The following JPH2 variants were observed in gnomAD, a reference collection of about 807,000 sequenced individuals.
JPH2 encodes junctophilin-2.
JPH2 carries 38 observed loss-of-function variants against 55.9 expected under a neutral mutation model. The ratio of observed to expected loss-of-function variants is 0.68; its 90% CI spans 0.52 to 0.89. The LOEUF (loss-of-function observed/expected upper bound fraction) is 0.89, where lower values mean the gene tolerates loss of function less well. Among genes scored for constraint, JPH2 ranks in the 40% least tolerant of loss-of-function variants. JPH2 has a pLI of 0.00. For synonymous variants in JPH2, 480 were observed against 472.4 expected, an observed-to-expected ratio of 1.02 and a Z score of -0.21; for missense variants, 964 against 1,037.6, an observed-to-expected ratio of 0.93 and a Z score of 0.97.
intron 1 of JPH2, among the ~76,000 whole-genome samples, chr20:44,166,870 A>C (rs1304953593): frequency 6.6e-6 from 1 of 152,028 alleles, no homozygotes; most frequent in East Asian, 1.9e-4. Context: ...AGCTTTGTAA[A>C]CCCTGCAGGG....
intron 2 of JPH2, among the ~76,000 whole-genome samples, chr20:44,119,189 C>A: frequency 6.6e-6 from 1 of 152,114 alleles, no homozygotes; most frequent in East Asian, 1.9e-4. Flanking sequence ...TCTTTATAAT[C>A]ACATTAAACA....
chr20:44,160,928 TAGTC>T lies in JPH2; in HGVS notation c.380-525_380-522del, dbSNP rs1207749568. On this transcript the variant is annotated intron_variant, in intron 1 of 5. Coordinates refer to ENST00000372980, the MANE Select transcript of JPH2 (RefSeq NM_020433.5). This position sits in a 1 kb window ranked among gnomAD's most constrained non-coding sequence, Gnocchi z 4.9. ...GTGAAACCTCTCTCTACAAAAAAAT[TAGTC>T]AGGCGTGGTGGCATGCACCTGTGGT... is the stretch of plus-strand genomic sequence containing the variant. Among the ~76,000 whole-genome samples the T allele has an allele frequency of 6.6e-6, 1 of 151,954 alleles. No individual in the cohort carries two copies. Among genetic ancestry groups the T allele is most frequent in the African/African-American group, 2.4e-5 (1 of 41,372 alleles).
At chr20:44,118,148 G>A (rs62205903) in intron 3 of JPH2, among the ~76,000 whole-genome samples, 37,074 of 152,062 alleles carry the variant, frequency 0.24, 4,941 homozygotes, top group Non-Finnish European at 0.28. Flanking sequence ...CATGGACAGT[G>A]CTCAATGCTT....
chr20:44,171,321 G>T (rs1221614923), intron 1 of JPH2, among the ~76,000 whole-genome samples: 2 of 152,178 alleles, frequency 1.3e-5, no homozygotes, highest in African/African-American at 4.8e-5. Context: ...CAAAATCAAA[G>T]CAAGGGGGCC....
intron 2 of JPH2, among the ~76,000 whole-genome samples, chr20:44,145,930 C>T (rs1250229904): frequency 6.6e-6 from 1 of 152,108 alleles, no homozygotes; most frequent in African/African-American, 2.4e-5. Flanking sequence ...CAGCTCTGAC[C>T]AGCTTTTTCT....
intron 2 of JPH2, among the ~76,000 whole-genome samples, chr20:44,154,927 A>G (rs991720279): frequency 6.6e-6 from 1 of 151,448 alleles, no homozygotes; most frequent in Non-Finnish European, 1.5e-5. Context: ...CCACAGCAGC[A>G]CCTCATGCAA....
chr20:44,171,767 G>A (rs544719132), intron 1 of JPH2, among the ~76,000 whole-genome samples: 53 of 152,322 alleles, frequency 3.5e-4, no homozygotes, highest in Non-Finnish European at 5.6e-4. Context: ...TATCAGACCA[G>A]ACCAGGTTTC....
chr20:44,179,828 C>T (rs919789714), intron 1 of JPH2, among the ~76,000 whole-genome samples: 1 of 152,106 alleles, frequency 6.6e-6, no homozygotes, highest in Admixed American at 6.5e-5. Context: ...AGCTGGACGA[C>T]CTTGAGTGAG....
Position 44,115,702 on chromosome 20 carries a change from G to T in JPH2, c.1973C>A (p.Ala658Asp). 1 of 1,613,238 alleles carries T rather than the reference G, an allele frequency of 6.2e-7. No homozygotes were observed. The highest frequency in any genetic ancestry group is 2.2e-5 in the East Asian group (1 of 44,866). The change falls in exon 4 of 6, where the codon GCC becomes GAC. Residue 658 changes from alanine (A) to aspartate (D), a missense_variant. Physicochemically the swap from Ala to Asp is moderately radical, Grantham distance 126. Transcript: ENST00000372980. ...AGAKKKARKE[A>D]ALAAEAEVEV... The stretch of plus-strand genomic sequence containing the variant: ...CACCTCCGCCTCTGCCGCCAGTGCG[G>T]CCTCCTTCCGCGCCTTCTTCTTGGC...
chr20:44,182,454 C>T (rs532877653), intron 1 of JPH2, among the ~76,000 whole-genome samples: 18 of 152,312 alleles, frequency 1.2e-4, no homozygotes, highest in African/African-American at 4.3e-4. Context: ...CTTCTGGTCA[C>T]CTGGCCTGAA....
At chr20:44,154,205 G>T (rs1158336029) in intron 2 of JPH2, among the ~76,000 whole-genome samples, 1 of 152,096 alleles carries the variant, frequency 6.6e-6, no homozygotes, top group Non-Finnish European at 1.5e-5. Flanking sequence ...AATATAACAT[G>T]TATCACATTG....
At chr20:44,120,697 CA>C (rs1323612348) in intron 2 of JPH2, among the ~76,000 whole-genome samples, 3 of 152,000 alleles carry the variant, frequency 2.0e-5, no homozygotes, top group African/African-American at 7.2e-5. Flanking sequence ...TGTCATGGAC[CA>C]CACAGAAAAT....
rs2072599664 is a variant in JPH2 at position 44,160,200 on chromosome 20, G to A, written c.587C>T (p.Pro196Leu). 1 of 1,404,902 alleles carries A rather than the reference G, an allele frequency of 7.1e-7. No individual in the cohort carries two copies. Among genetic ancestry groups the A allele is most frequent in the East Asian group, 2.9e-5 (1 of 33,988 alleles). The allele number at this position is 1,404,902 out of a possible 1,614,324, so 87.0% of individuals were successfully genotyped here. Residue 196 changes from proline to leucine, a missense_variant, in exon 2 of 6, where the codon CCG (proline) becomes CTG (leucine). Physicochemically the swap from Pro to Leu is moderately conservative, Grantham distance 98. Coordinates refer to ENST00000372980, the MANE Select transcript of JPH2 (RefSeq NM_020433.5). This position sits in a 1 kb window ranked among gnomAD's most constrained non-coding sequence, Gnocchi z 4.9. ...GAGGCTGAGCGCGAAGCCGCCACGC[G>A]GGATGGCGGGCGAGGGCAGCGCGGG... Reference protein sequence around the residue: ...DGPALPSPAIPRGGFALSLLA... With the variant: ...DGPALPSPAILRGGFALSLLA...
At chr20:44,151,276 G>A (rs1236175198) in intron 2 of JPH2, among the ~76,000 whole-genome samples, 1 of 152,208 alleles carries the variant, frequency 6.6e-6, no homozygotes, top group African/African-American at 2.4e-5. Flanking sequence ...CAGCACTGTG[G>A]GAGGTTGAAG....
chr20:44,145,995 T>G (rs73106216), intron 2 of JPH2, among the ~76,000 whole-genome samples: 19,366 of 151,868 alleles, frequency 0.13, 1,441 homozygotes, highest in Admixed American at 0.24. Context: ...ACTCCAAGGT[T>G]GGAAGGCCTG....
chr20:44,116,357 G>A lies in JPH2; in HGVS notation c.1318C>T (p.Gln440Ter). ...GPEYQKRRLLQEILENSESLL... is the reference protein window; with the variant it reads ...GPEYQKRRLL ...CTCTCCGAGTTCTCCAGGATCTCCT[G>A]CAGCAGCCGGCGCTTCTGATATTCC... is the stretch of plus-strand genomic sequence containing the variant. Residue 440 changes from glutamine (Q) to a stop codon, truncating the protein, a stop_gained, in exon 4 of 6, where the codon CAG becomes TAG. Transcript: ENST00000372980. LOFTEE classifies it high-confidence loss of function. 6.5e-7 allele frequency: 1 copy of A among 1,547,738 alleles called. No individual in the cohort carries two copies. Among genetic ancestry groups the A allele is most frequent in the Non-Finnish European group, 8.7e-7 (1 of 1,146,702 alleles).
chr20:44,111,111 C>T lies in JPH2; in HGVS notation c.*2407G>A, dbSNP rs1374252020. 6.6e-6 allele frequency among the ~76,000 whole-genome samples: 1 copy of T among 152,208 alleles called. No individual in the cohort carries two copies. Among genetic ancestry groups the T allele is most frequent in the Non-Finnish European group, 1.5e-5 (1 of 68,046 alleles). On this transcript the variant is annotated 3_prime_UTR_variant, in exon 6 of 6. Coordinates refer to ENST00000372980, the MANE Select transcript of JPH2 (RefSeq NM_020433.5). ...TTGGGCAAGTCCCTCTGCTCTAAGC[C>T]TCTGTGGAATGTGGCGATCCCCTCA...
At chr20:44,120,415 T>A (rs2072227185) in intron 2 of JPH2, among the ~76,000 whole-genome samples, 1 of 152,186 alleles carries the variant, frequency 6.6e-6, no homozygotes, top group South Asian at 2.1e-4. Flanking sequence ...CCTACTAAAG[T>A]AATAACAGTC....
intron 1 of JPH2, chr20:44,177,077 C>T (rs2072739982): frequency 7.1e-6 from 7 of 985,518 alleles, no homozygotes; most frequent in Non-Finnish European, 8.4e-6. Flanking sequence ...AGGCACAGAT[C>T]TGTGCCAGGC....
Sources: allele counts gnomAD v4.1 joint callset (sites outside exome capture counted in the v4.1 genomes callset), GRCh38; gene constraint gnomAD v4.1.1; non-coding constraint Gnocchi (gnomAD v3.1); transcripts MANE v1.5; gene names NCBI Gene and HGNC (gene_info 2026-07-23, HGNC 2026-07-21).